Variants in TRIQK observed in about 807,000 individuals in gnomAD.
TRIQK encodes triple QxxK/R motif-containing protein.
TRIQK carries 10 observed loss-of-function variants against 10.8 expected under a neutral mutation model. That is an observed-to-expected ratio of 0.92 (90% CI 0.57 to 1.57). TRIQK has a LOEUF of 1.57. Among genes scored for constraint, TRIQK ranks in the 40% most tolerant of loss-of-function variants. The probability of loss-of-function intolerance (pLI) is 0.00; values close to 1 mark genes in which losing one functional copy is unlikely to be tolerated. For missense variants in TRIQK, 107 were observed against 97.7 expected, an observed-to-expected ratio of 1.09 and a Z score of -0.40; for synonymous variants, 33 against 33.7, an observed-to-expected ratio of 0.98 and a Z score of 0.07.
chr8:92,910,062 G>T (rs928741208), intron 3 of TRIQK, among the ~76,000 whole-genome samples: 4 of 151,578 alleles, frequency 2.6e-5, no homozygotes, highest in African/African-American at 9.6e-5. Flanking sequence ...ATATAAAATT[G>T]TAATCACCTA....
Position 93,004,703 on chromosome 8 carries a change from A to G in TRIQK, c.-181+12906T>C, listed in dbSNP as rs367696554. On this transcript the variant is annotated intron_variant, in intron 1 of 4. Transcript: ENST00000520686. ...TAGAAGTAGCCAGGCCACAATTTGA[A>G]TGCTTTGCTGCTTAGAAATTTCTTC... is the stretch of plus-strand genomic sequence containing the variant. Among the ~76,000 whole-genome samples, 10 of 152,320 alleles carry G rather than the reference A, an allele frequency of 6.6e-5. No individual in the cohort carries two copies. In the East Asian group the frequency reaches 1.7e-3, roughly 26 times the overall value.
At chr8:92,970,983 G>A (rs1027473542), upstream of TRIQK, among the ~76,000 whole-genome samples, 1 of 152,104 alleles carries the variant, frequency 6.6e-6, no homozygotes, top group South Asian at 2.1e-4. Flanking sequence ...TAAGGTATAA[G>A]GTCGGGGTCT....
At chr8:92,984,913 A>T (rs182134199) in intron 1 of TRIQK, among the ~76,000 whole-genome samples, 1 of 152,292 alleles carries the variant, frequency 6.6e-6, no homozygotes, top group Non-Finnish European at 1.5e-5. Context: ...ACCACAAAAA[A>T]GAATACTCAA....
intron 2 of TRIQK, among the ~76,000 whole-genome samples, chr8:92,934,450 A>T (rs1810885070): frequency 6.6e-6 from 1 of 151,970 alleles, no homozygotes; most frequent in African/African-American, 2.4e-5. Context: ...AATTATGTGT[A>T]CTGAAATAAG....
At chr8:92,972,757 C>G (rs1279014613) in intron 1 of TRIQK, 1 of 152,346 alleles carries the variant, frequency 6.6e-6, no homozygotes, top group Admixed American at 6.5e-5. Context: ...TCCAGCTGAT[C>G]TTTACTGTGT....
chr8:92,991,515 A>G (rs1813096313), intron 1 of TRIQK, among the ~76,000 whole-genome samples: 1 of 152,136 alleles, frequency 6.6e-6, no homozygotes, highest in South Asian at 2.1e-4. Context: ...TCAAAATAAT[A>G]AGAGCTATTA....
intron 2 of TRIQK, among the ~76,000 whole-genome samples, chr8:92,937,381 C>T (rs1180187553): frequency 6.6e-5 from 10 of 151,710 alleles, no homozygotes; most frequent in South Asian, 2.1e-4. Context: ...CAATTAAGAT[C>T]GCTTGCACAG....
At chr8:92,974,267 C>A (rs1310170973) in intron 1 of TRIQK, 1 of 152,356 alleles carries the variant, frequency 6.6e-6, no homozygotes, top group African/African-American at 2.4e-5. Context: ...GCTGCAGGGC[C>A]AGAACTTGTA....
chr8:92,981,104 A>T lies in TRIQK; in HGVS notation c.-180-26540T>A, dbSNP rs564138170. On this transcript the variant is annotated intron_variant, in intron 1 of 4. Transcript: ENST00000520686. ...ATGTATCTTTTCTTCTTAATAAATT[A>T]TTATTTAGAAGCATCTTCTTTACTT... 5.3e-5 allele frequency among the ~76,000 whole-genome samples: 8 copies of T among 151,912 alleles called. No homozygotes were observed. The East Asian group carries it at 1.5e-3, about 29-fold the overall frequency.
rs539087765 is a variant in TRIQK, at chr8:92,947,001, G to C, written c.-22+7405C>G. Among the ~76,000 whole-genome samples the C allele has an allele frequency of 1.2e-4, 18 of 151,424 alleles. 1 individual carries two copies. The East Asian group carries it at 3.6e-3, about 30-fold the overall frequency. ...AGGATGGTGTCGATCTCCTGACCTC[G>C]TGATCCGCCCGCCTTGGCCTCCCAA... On this transcript the variant is annotated intron_variant, in intron 2 of 4. Coordinates refer to ENST00000521988, the MANE Select transcript of TRIQK (RefSeq NM_001171797.2).
intron 2 of TRIQK, among the ~76,000 whole-genome samples, chr8:92,939,254 A>C (rs1489493682): frequency 6.6e-6 from 1 of 152,142 alleles, no homozygotes; most frequent in Non-Finnish European, 1.5e-5. Flanking sequence ...TGGGGTCTCA[A>C]CTAAATGCCC....
intron 1 of TRIQK, among the ~76,000 whole-genome samples, chr8:93,015,247 T>C (rs1433685579): frequency 1.3e-5 from 2 of 151,974 alleles, no homozygotes; most frequent in African/African-American, 4.8e-5. Context: ...TTTTAAAATT[T>C]CTTTACATAA....
At chr8:92,899,361 T>C (rs1294741604) in intron 3 of TRIQK, among the ~76,000 whole-genome samples, 1 of 152,032 alleles carries the variant, frequency 6.6e-6, no homozygotes, top group African/African-American at 2.4e-5. Context: ...TATATTTCTG[T>C]GCCCATTAAC....
chr8:92,995,738 G>A (rs919895330), intron 1 of TRIQK, among the ~76,000 whole-genome samples: 1 of 151,960 alleles, frequency 6.6e-6, no homozygotes, highest in African/African-American at 2.4e-5. Flanking sequence ...AAGGGACTTA[G>A]TATTTTGTTT....
At chr8:92,900,977 G>T (rs932104527) in intron 3 of TRIQK, among the ~76,000 whole-genome samples, 5 of 151,444 alleles carry the variant, frequency 3.3e-5, no homozygotes, top group African/African-American at 1.2e-4. Flanking sequence ...TTTATTCCTA[G>T]GTGTTTTGTT....
chr8:93,016,324 T>A (rs1002544882), intron 1 of TRIQK, among the ~76,000 whole-genome samples: 2 of 152,198 alleles, frequency 1.3e-5, no homozygotes, highest in African/African-American at 4.8e-5. Context: ...TCTGGCATTA[T>A]CTTTAGGTTT....
intron 1 of TRIQK, among the ~76,000 whole-genome samples, chr8:92,961,944 C>CA (rs1283411688): frequency 8.5e-5 from 13 of 152,050 alleles, no homozygotes; most frequent in African/African-American, 2.7e-4. Context: ...CCTTTTGAGT[C>CA]AAAAAAACTG....
At chr8:93,002,415 TAAAC>T (rs1028574682) in intron 1 of TRIQK, among the ~76,000 whole-genome samples, 1 of 151,844 alleles carries the variant, frequency 6.6e-6, no homozygotes, top group Non-Finnish European at 1.5e-5. Flanking sequence ...GAGATAAAAA[TAAAC>T]AACATTGCAA....
At chr8:93,001,404 A>G (rs1813209871) in intron 1 of TRIQK, among the ~76,000 whole-genome samples, 1 of 151,286 alleles carries the variant, frequency 6.6e-6, no homozygotes, top group South Asian at 2.1e-4. Flanking sequence ...CTTCATCCGT[A>G]AGGACACACA....
Sources: gnomAD v4.1 joint callset for allele counts (sites outside exome capture counted in the v4.1 genomes callset) on GRCh38, gnomAD v4.1.1 for gene constraint, MANE v1.5 for transcripts, NCBI Gene and HGNC (gene_info 2026-07-23, HGNC 2026-07-21) for gene names.